Variants in CCT8 observed in about 807,000 individuals in gnomAD.
The protein encoded by CCT8 is T-complex protein 1 subunit theta.
In CCT8, 10 loss-of-function variants were observed where a neutral mutation model predicts 65.7. The ratio of observed to expected loss-of-function variants is 0.15; its 90% confidence interval spans 0.09 to 0.26. The LOEUF is 0.26. Ranked by LOEUF, CCT8 falls within the 10% of genes least tolerant of loss-of-function variation. CCT8 has a pLI of 1.00. For missense variants in CCT8, 568 were observed against 669.1 expected, an observed-to-expected ratio of 0.85 and a Z score of 1.67; for synonymous variants, 199 against 221.8, an observed-to-expected ratio of 0.90 and a Z score of 0.92.
intron 10 of CCT8, 21 bp from the exon 11 acceptor site, chr21:29,062,264 T>C: frequency 6.2e-7 from 1 of 1,607,180 alleles, no homozygotes; most frequent in Non-Finnish European, 8.5e-7. Flanking sequence ...ATTAAATATA[T>C]TTGGTGATTA....
At chr21:29,071,239 T>G (rs766130659) in intron 1 of CCT8, among the ~76,000 whole-genome samples, 14 of 152,192 alleles carry the variant, frequency 9.2e-5, no homozygotes, top group Admixed American at 2.6e-4. Context: ...ACAGTTCAAA[T>G]GCCCAGTAGC....
intron 3 of CCT8, among the ~76,000 whole-genome samples, chr21:29,068,693 G>A (rs918862571): frequency 1.3e-5 from 2 of 152,150 alleles, no homozygotes; most frequent in African/African-American, 4.8e-5. Flanking sequence ...TCAAACTCCT[G>A]ACCTTAGGTG....
chr21:29,061,462 G>T (rs1294401032), intron 12 of CCT8, 34 bp downstream of exon 12: 4 of 1,613,300 alleles, frequency 2.5e-6, no homozygotes, highest in Admixed American at 1.7e-5. Flanking sequence ...TCAAGCAATG[G>T]AAAGAAAGTC....
At chr21:29,064,852 A>T (rs758072838) in intron 7 of CCT8, 116 bp downstream of exon 7, 2 of 794,554 alleles carry the variant, frequency 2.5e-6, no homozygotes, top group Non-Finnish European at 4.0e-6. Flanking sequence ...ATAAAAAAAT[A>T]GGTAAGATCC....
chr21:29,063,568 C>T (rs1387452117), intron 7 of CCT8, 38 bp from the exon 8 acceptor site: 1 of 1,594,752 alleles, frequency 6.3e-7, no homozygotes, highest in East Asian at 2.2e-5. Flanking sequence ...AAAATCATTT[C>T]ACTACGTTGG....
Position 29,067,717 on chromosome 21 carries a change from G to A in CCT8, c.232-12C>T, listed in dbSNP as rs2085639524. On this transcript the variant is annotated splice_polypyrimidine_tract_variant and intron_variant, in intron 3 of 14. Transcript: ENST00000286788. ...GCAGGATGCTGTACCTAGTAGAAAAGGTAATATCAAGTTAAACATCTGATC... is the reference window on the plus strand; with the variant it reads ...GCAGGATGCTGTACCTAGTAGAAAAAGTAATATCAAGTTAAACATCTGATC... The A allele has an allele frequency of 1.5e-6, 2 of 1,338,366 alleles. No individual in the cohort carries two copies. Among genetic ancestry groups the A allele is most frequent in the South Asian group, 2.6e-5 (1 of 38,430 alleles). 82.9% of individuals were successfully genotyped at this position (1,338,366 alleles called of 1,614,324 possible). A position where few individuals can be genotyped will look rare whatever the true frequency, so the allele number is the denominator to read the frequency against.
At chr21:29,063,038 G>C (rs950342084) in intron 8 of CCT8, among the ~76,000 whole-genome samples, 2 of 152,148 alleles carry the variant, frequency 1.3e-5, no homozygotes, top group African/African-American at 4.8e-5. Context: ...GATTAAAAGG[G>C]ATCTTCCTGA....
chr21:29,069,543 T>C (rs1411665237), intron 2 of CCT8, 41 bp from the exon 3 acceptor site: 1 of 1,236,792 alleles, frequency 8.1e-7, no homozygotes, highest in Admixed American at 2.3e-5. Context: ...AAAGCCATTA[T>C]TAATCAAATC....
chr21:29,059,690 C>T (rs1203970597), intron 14 of CCT8: 1 of 152,200 alleles, frequency 6.6e-6, no homozygotes, highest in Non-Finnish European at 1.5e-5. Flanking sequence ...GGTACATAAA[C>T]ATCTAGTTTC....
intron 10 of CCT8, 31 bp downstream of exon 10, chr21:29,062,297 C>CACTT (rs1236866344): frequency 5.6e-6 from 9 of 1,605,794 alleles, no homozygotes; most frequent in Non-Finnish European, 3.4e-6. Context: ...TAAAGCCCTA[C>CACTT]ACTTAAACAT....
chr21:29,072,011 A>T (rs1009029855), intron 1 of CCT8: 20 of 573,234 alleles, frequency 3.5e-5, no homozygotes, highest in South Asian at 1.1e-4. Flanking sequence ...TTGTTGTTTT[A>T]AAAAAAAAAC....
chr21:29,061,161 G>A lies in CCT8; in HGVS notation c.1449+92C>T, dbSNP rs1239730951. On this transcript the variant is annotated intron_variant, in intron 13 of 14. Transcript: ENST00000286788. Reference sequence around the variant, plus strand: ...TAATCTGCTCCCAAATCAGAACACTGTTTCTCATTGATATTTCTTTTAAAC... The same window carrying A: ...TAATCTGCTCCCAAATCAGAACACTATTTCTCATTGATATTTCTTTTAAAC... The A allele has an allele frequency of 3.9e-6, 4 of 1,028,692 alleles. No individual in the cohort carries two copies. The Admixed American group carries it at 6.5e-5, about 17-fold the overall frequency. 63.7% of individuals were successfully genotyped at this position (1,028,692 alleles called of 1,614,324 possible).
At position 29,067,014 on chromosome 21, in the gene CCT8, C is replaced by T. The variant is rs139906177; in HGVS notation, c.439G>A (p.Val147Ile). The change falls in exon 5 of 15, where the codon GTA (valine) becomes ATA (isoleucine). Residue 147 changes from valine (V) to isoleucine (I), a missense_variant. Physicochemically the swap from Val to Ile is conservative, Grantham distance 29. Transcript: ENST00000286788. The part of the protein sequence containing the change: ...RKAHEILPNL[V>I]CCSAKNLRDI... ...CGAAGGTTTTTTGCAGAACAACATA[C>T]CAAATTAGGAAGAATCTCATGAGCT... The T allele has an allele frequency of 0.013, 20,670 of 1,613,296 alleles. 175 individuals are homozygous for T. The highest frequency in any genetic ancestry group is 0.016 in the Non-Finnish European group (18,578 of 1,179,556).
chr21:29,061,323 G>A lies in CCT8; in HGVS notation c.1379C>T (p.Ala460Val). Residue 460 changes from alanine to valine, a missense_variant, in exon 13 of 15, where the codon GCC becomes GTC. Coordinates refer to ENST00000286788, the MANE Select transcript of CCT8 (RefSeq NM_006585.4). ...RALAENSGVK[A>V]NEVISKLYAV... ...ATAAAGTTTAGAGATTACTTCATTG[G>A]CCTTAACTCCAGAGTTTTCTGCCAG... The A allele has an allele frequency of 6.2e-7, 1 of 1,613,590 alleles. No individual in the cohort carries two copies. The highest frequency in any genetic ancestry group is 8.5e-7 in the Non-Finnish European group (1 of 1,179,692).
At position 29,062,574 on chromosome 21, in the gene CCT8, A is replaced by G; in HGVS notation, c.942-18T>C. On this transcript the variant is annotated intron_variant, in intron 8 of 14. Coordinates refer to ENST00000286788, the MANE Select transcript of CCT8 (RefSeq NM_006585.4). ...AGTTTAGCCTTTAAAAAACACAAAG[A>G]CCTTAATAAAAGTTTTAATCAATTT... The G allele has an allele frequency of 6.2e-7, 1 of 1,602,868 alleles. No individual in the cohort carries two copies. Among genetic ancestry groups the G allele is most frequent in the Non-Finnish European group, 8.5e-7 (1 of 1,172,064 alleles).
In CCT8 at chr21:29,063,513, C is replaced by T. The variant is rs1206271025; in HGVS notation, c.780G>A (p.Lys260=). 4 of 1,613,750 alleles carry T rather than the reference C, an allele frequency of 2.5e-6. No homozygotes were observed. The change falls in exon 8 of 15, where the codon AAG becomes AAA. Residue 260 remains lysine (K), a synonymous_variant. Transcript: ENST00000286788. ...TAAAATTCATCAATTCTTCAGCAGT[C>T]TTTATCAACACTGTTCCCTGGCAAA... ...ITETKGTVLI[K]TAEELMNFSK... is the part of the protein sequence containing the mutation.
intron 7 of CCT8, among the ~76,000 whole-genome samples, 181 bp from the exon 8 acceptor site, chr21:29,063,711 ACC>A (rs2085589329): frequency 6.6e-6 from 1 of 152,126 alleles, no homozygotes; most frequent in African/African-American, 2.4e-5. Context: ...TGCTTCTAGA[ACC>A]CCCTGTCAAA....
intron 1 of CCT8, 134 bp from the exon 2 acceptor site, chr21:29,070,471 G>C (rs775789122): frequency 2.0e-6 from 1 of 493,658 alleles, no homozygotes; most frequent in Non-Finnish European, 3.5e-6. Context: ...TGGCACAAGA[G>C]GGCTGGTTGC....
At chr21:29,066,174 A>G (rs1427038905) in intron 6 of CCT8, among the ~76,000 whole-genome samples, 4 of 152,174 alleles carry the variant, frequency 2.6e-5, no homozygotes, top group Non-Finnish European at 5.9e-5. Context: ...AGGAGATAAT[A>G]TGTCAATATC....
Sources: allele counts gnomAD v4.1 joint callset (sites outside exome capture counted in the v4.1 genomes callset), GRCh38; gene constraint gnomAD v4.1.1; transcripts MANE v1.5; gene names NCBI Gene and HGNC (gene_info 2026-07-23, HGNC 2026-07-21).